The following CA10 variants were observed in gnomAD, a reference collection of about 807,000 sequenced individuals.
The protein encoded by CA10 is carbonic anhydrase 10 (inactive), also known as carbonic anhydrase-related protein 10.
A neutral mutation model predicts 44.2 loss-of-function variants in CA10; 14 were observed. The observed-to-expected ratio is 0.32, with a 90% confidence interval of 0.21 to 0.50. CA10 has a LOEUF of 0.50. Among genes scored for constraint, CA10 ranks in the 20% least tolerant of loss-of-function variants. CA10 has a pLI of 0.99. For synonymous variants in CA10, 159 were observed against 141.6 expected, an observed-to-expected ratio of 1.12 and a Z score of -0.87; for missense variants, 350 against 409.7, an observed-to-expected ratio of 0.85 and a Z score of 1.26.
chr17:51,892,022 A>G (rs1203548011), intron 3 of CA10, among the ~76,000 whole-genome samples: 1 of 152,252 alleles, frequency 6.6e-6, no homozygotes, highest in Non-Finnish European at 1.5e-5. Context: ...GTCCCTTTTG[A>G]GTAGCTAGTT....
At chr17:52,107,281 T>C (rs2143270387) in intron 1 of CA10, among the ~76,000 whole-genome samples, 1 of 152,262 alleles carries the variant, frequency 6.6e-6, no homozygotes, top group South Asian at 2.1e-4. Flanking sequence ...ATAAAGTGAA[T>C]AAGGAGGGTA....
At chr17:52,018,945 CATG>C (rs1352286311) in intron 2 of CA10, among the ~76,000 whole-genome samples, 1 of 152,026 alleles carries the variant, frequency 6.6e-6, no homozygotes, top group East Asian at 1.9e-4. Context: ...TATGAGTTCA[CATG>C]ATATCTGGTT....
At chr17:51,831,683 A>AGCG (rs1908258877) in intron 3 of CA10, among the ~76,000 whole-genome samples, 1 of 70,416 alleles carries the variant, frequency 1.4e-5, no homozygotes, top group Non-Finnish European at 3.3e-5. Context: ...CAGCAGCAGC[A>AGCG]GCAGCAGCAG....
At chr17:51,720,746 A>G (rs1025415559) in intron 4 of CA10, among the ~76,000 whole-genome samples, 1 of 152,208 alleles carries the variant, frequency 6.6e-6, no homozygotes, top group African/African-American at 2.4e-5. Flanking sequence ...AAAGGTAGTT[A>G]CCAGAGGTTG....
At chr17:52,150,732 C>G in intron 1 of CA10, among the ~76,000 whole-genome samples, 1 of 152,138 alleles carries the variant, frequency 6.6e-6, no homozygotes, top group East Asian at 1.9e-4. Flanking sequence ...AATAGTGTAT[C>G]TATTGCTTAA....
intron 3 of CA10, among the ~76,000 whole-genome samples, chr17:51,852,869 A>T (rs541044077): frequency 6.6e-6 from 1 of 152,328 alleles, no homozygotes; most frequent in South Asian, 2.1e-4. Context: ...ACTACTTTTT[A>T]AATTTACTAC....
At chr17:51,633,455 T>C (rs776063291) in intron 8 of CA10, 21 bp downstream of exon 8, 11 of 1,605,326 alleles carry the variant, frequency 6.9e-6, no homozygotes, top group Non-Finnish European at 8.5e-6. Context: ...GATCCTCCAC[T>C]CTCTGAGCCA....
chr17:52,077,487 G>T (rs1987847323), intron 1 of CA10, among the ~76,000 whole-genome samples: 1 of 152,028 alleles, frequency 6.6e-6, no homozygotes, highest in Non-Finnish European at 1.5e-5. Context: ...AATATGCAGG[G>T]GTGTAGCTGT....
intron 2 of CA10, among the ~76,000 whole-genome samples, chr17:52,011,789 A>G (rs1985805593): frequency 6.6e-6 from 1 of 152,084 alleles, no homozygotes; most frequent in Non-Finnish European, 1.5e-5. Context: ...AGAGTCATAA[A>G]GAAGACAGGG....
intron 4 of CA10, among the ~76,000 whole-genome samples, chr17:51,725,436 G>T (rs1366626688): frequency 6.6e-6 from 1 of 152,198 alleles, no homozygotes; most frequent in Non-Finnish European, 1.5e-5. Context: ...AGGGAGGGAA[G>T]TGTGTACCAC....
At chr17:51,969,162 C>G (rs1984187758) in intron 2 of CA10, among the ~76,000 whole-genome samples, 1 of 151,966 alleles carries the variant, frequency 6.6e-6, no homozygotes, top group Non-Finnish European at 1.5e-5. Context: ...TGAGCTTCAT[C>G]TCCTGCCTAG....
chr17:52,003,574 A>G (rs1264483016), intron 2 of CA10, among the ~76,000 whole-genome samples: 1 of 151,992 alleles, frequency 6.6e-6, no homozygotes, highest in Non-Finnish European at 1.5e-5. Flanking sequence ...TTAGGCTACA[A>G]TTTTGAATAG....
chr17:51,857,526 A>G (rs1024560869), intron 3 of CA10, among the ~76,000 whole-genome samples: 2 of 152,208 alleles, frequency 1.3e-5, no homozygotes, highest in African/African-American at 4.8e-5. Context: ...ATGCAGCACT[A>G]TACAAAAATC....
chr17:51,850,986 G>A (rs558219843), intron 3 of CA10, among the ~76,000 whole-genome samples: 1 of 152,318 alleles, frequency 6.6e-6, no homozygotes, highest in African/African-American at 2.4e-5. Flanking sequence ...CTTCTTCCCA[G>A]TGCCTGCCCT....
At chr17:51,949,767 C>A (rs551065272) in intron 2 of CA10, among the ~76,000 whole-genome samples, 10 of 152,182 alleles carry the variant, frequency 6.6e-5, no homozygotes, top group South Asian at 2.1e-4. Context: ...CATAGAGGAA[C>A]CTTGGGCTAA....
At chr17:52,152,713 T>C (rs572688213) in intron 1 of CA10, among the ~76,000 whole-genome samples, 3 of 152,194 alleles carry the variant, frequency 2.0e-5, no homozygotes, top group Non-Finnish European at 4.4e-5. Flanking sequence ...ACTTTGCTTC[T>C]ATAACTATAT....
At chr17:52,131,219 T>A (rs201390412) in intron 1 of CA10, among the ~76,000 whole-genome samples, 1 of 138,522 alleles carries the variant, frequency 7.2e-6, no homozygotes, top group African/African-American at 2.7e-5. Context: ...TGTCTCTACT[T>A]TCTTTGAACC....
intron 4 of CA10, among the ~76,000 whole-genome samples, chr17:51,661,359 T>G (rs2073866): frequency 0.59 from 89,350 of 152,036 alleles, 27,886 homozygotes; most frequent in Non-Finnish European, 0.68. Context: ...ATTCCAAAGG[T>G]TATCTCTAAT....
chr17:52,012,056 C>T (rs1304109418), intron 2 of CA10, among the ~76,000 whole-genome samples: 2 of 151,868 alleles, frequency 1.3e-5, no homozygotes, highest in Non-Finnish European at 2.9e-5. Flanking sequence ...CCCAATATGC[C>T]ATGAACTGAG....
Sources: allele counts gnomAD v4.1 joint callset (sites outside exome capture counted in the v4.1 genomes callset), GRCh38; gene constraint gnomAD v4.1.1; transcripts MANE v1.5; gene names NCBI Gene and HGNC (gene_info 2026-07-23, HGNC 2026-07-21).